Variants in CNTNAP5 observed in about 807,000 individuals in gnomAD.
CNTNAP5 encodes the protein contactin associated protein family member 5, also known as contactin-associated protein-like 5.
CNTNAP5 carries 72 observed loss-of-function variants against 150.2 expected under a neutral mutation model. The ratio of observed to expected loss-of-function variants is 0.48; its 90% CI spans 0.40 to 0.58. The LOEUF (loss-of-function observed/expected upper bound fraction) is 0.58. CNTNAP5 is among the 20% of genes least tolerant of loss of function. The pLI is 0.00. For synonymous variants in CNTNAP5, 672 were observed against 619.8 expected, an observed-to-expected ratio of 1.08 and a Z score of -1.25; for missense variants, 1,636 against 1,626.2, an observed-to-expected ratio of 1.01 and a Z score of -0.10.
chr2:124,853,375 CTCTT>C (rs2104705481), intron 19 of CNTNAP5, among the ~76,000 whole-genome samples: 1 of 152,258 alleles, frequency 6.6e-6, no homozygotes, highest in South Asian at 2.1e-4. Context: ...CCAGTGTGGT[CTCTT>C]TCTTTAACAT....
intron 5 of CNTNAP5, among the ~76,000 whole-genome samples, chr2:124,443,086 C>T (rs902851698): frequency 4.6e-5 from 7 of 152,122 alleles, no homozygotes; most frequent in Admixed American, 3.9e-4. Context: ...ATGAACGCTA[C>T]AAATACGCTT....
chr2:124,420,933 A>C (rs1026262108), intron 4 of CNTNAP5, among the ~76,000 whole-genome samples: 1 of 152,194 alleles, frequency 6.6e-6, no homozygotes, highest in African/African-American at 2.4e-5. Context: ...TTTTCTCAAG[A>C]TCACCAGTGA....
chr2:124,672,070 T>C (rs1192932288), intron 13 of CNTNAP5, among the ~76,000 whole-genome samples: 4 of 152,190 alleles, frequency 2.6e-5, no homozygotes, highest in Admixed American at 1.3e-4. Flanking sequence ...TTGTTTTACC[T>C]CCTCACATTT....
chr2:124,387,905 G>A (rs1690971358), intron 3 of CNTNAP5, among the ~76,000 whole-genome samples: 1 of 152,124 alleles, frequency 6.6e-6, no homozygotes, highest in African/African-American at 2.4e-5. Context: ...AATACACTCT[G>A]AGTCCAAAGC....
intron 6 of CNTNAP5, among the ~76,000 whole-genome samples, chr2:124,458,063 G>C (rs1693161690): frequency 1.3e-5 from 2 of 151,514 alleles, no homozygotes; most frequent in African/African-American, 2.4e-5. Flanking sequence ...CCACTACTAG[G>C]TATCTACCCA....
intron 8 of CNTNAP5, among the ~76,000 whole-genome samples, chr2:124,522,152 C>T (rs1694859965): frequency 6.6e-6 from 1 of 152,172 alleles, no homozygotes; most frequent in East Asian, 1.9e-4. Flanking sequence ...GCAGCCTCTC[C>T]AGCCAACTGG....
At chr2:124,103,739 G>A (rs1573755731) in intron 1 of CNTNAP5, among the ~76,000 whole-genome samples, 1 of 151,390 alleles carries the variant, frequency 6.6e-6, no homozygotes, top group Non-Finnish European at 1.5e-5. Flanking sequence ...ATCACCTAAT[G>A]TCACACTTCT....
chr2:124,546,763 AC>A (rs1310662885), intron 10 of CNTNAP5, among the ~76,000 whole-genome samples: 3 of 152,080 alleles, frequency 2.0e-5, no homozygotes, highest in African/African-American at 7.2e-5. Flanking sequence ...AGTATGGAGG[AC>A]TTGTGCTTTT....
chr2:124,864,952 A>G (rs1458311758), intron 19 of CNTNAP5, among the ~76,000 whole-genome samples: 1 of 152,168 alleles, frequency 6.6e-6, no homozygotes, highest in Admixed American at 6.6e-5. Flanking sequence ...AGAGAGTTAT[A>G]GGAAGTGGTA....
In CNTNAP5 at chr2:124,095,536, T is replaced by G. The variant is rs184350820; in HGVS notation, c.82+69804T>G. On this transcript the variant is annotated intron_variant, in intron 1 of 23. Transcript: ENST00000682447. Reference sequence around the variant, plus strand: ...AAAAAAGCTGCACTGCAATTGCCAATTTCCTTATCTGGCTCTTTCCCTTTC... The same window carrying G: ...AAAAAAGCTGCACTGCAATTGCCAAGTTCCTTATCTGGCTCTTTCCCTTTC... Among the ~76,000 whole-genome samples, 6 of 152,220 alleles carry G rather than the reference T, an allele frequency of 3.9e-5. No homozygotes were observed. In the East Asian group the frequency reaches 1.2e-3, roughly 29 times the overall value.
rs183978831 is a variant in CNTNAP5 at position 124,580,489 on chromosome 2, G to A, written c.1756+17166G>A. On this transcript the variant is annotated intron_variant, in intron 11 of 23. Transcript: ENST00000682447. ...CTGTCCACATATTTTCTTCTACCACGTGGCTGCACTGGTGTCTCTGAGACA... is the reference window on the plus strand; with the variant it reads ...CTGTCCACATATTTTCTTCTACCACATGGCTGCACTGGTGTCTCTGAGACA... Among the ~76,000 whole-genome samples, 11 of 152,278 alleles carry A rather than the reference G, an allele frequency of 7.2e-5. No homozygotes were observed. The East Asian group carries it at 1.9e-3, about 27-fold the overall frequency.
At chr2:124,115,419 A>G (rs1470002544) in intron 1 of CNTNAP5, among the ~76,000 whole-genome samples, 1 of 152,152 alleles carries the variant, frequency 6.6e-6, no homozygotes, top group African/African-American at 2.4e-5. Context: ...TGACATTCTA[A>G]CCAAGTAAGG....
chr2:124,872,819 A>C (rs968262706), intron 21 of CNTNAP5, among the ~76,000 whole-genome samples: 3 of 151,984 alleles, frequency 2.0e-5, no homozygotes, highest in African/African-American at 7.2e-5. Context: ...AAAAATCCTC[A>C]TTAAATCTTA....
At chr2:124,564,964 T>C (rs991067453) in intron 11 of CNTNAP5, among the ~76,000 whole-genome samples, 10 of 152,062 alleles carry the variant, frequency 6.6e-5, no homozygotes, top group Non-Finnish European at 2.9e-5. Context: ...TTCTCTCCGG[T>C]TTTTCTTAAG....
intron 19 of CNTNAP5, among the ~76,000 whole-genome samples, chr2:124,811,797 C>T (rs1394483091): frequency 6.7e-6 from 1 of 149,198 alleles, no homozygotes; most frequent in Non-Finnish European, 1.5e-5. Flanking sequence ...AAAAAGTTAG[C>T]TGGGCGTGGT....
intron 7 of CNTNAP5, among the ~76,000 whole-genome samples, chr2:124,482,158 A>G (rs1244185328): frequency 6.6e-6 from 1 of 152,172 alleles, no homozygotes; most frequent in African/African-American, 2.4e-5. Context: ...TAATAAACGC[A>G]ATGACCACTC....
chr2:124,905,923 G>T (rs59322403), intron 22 of CNTNAP5, among the ~76,000 whole-genome samples: 119 of 152,262 alleles, frequency 7.8e-4, no homozygotes, highest in African/African-American at 2.7e-3. Flanking sequence ...ACTGGGTTGT[G>T]AATGTGAGTT....
rs184411371 is a variant in CNTNAP5 at position 124,371,270 on chromosome 2, G to A, written c.382-46173G>A. On this transcript the variant is annotated intron_variant, in intron 3 of 23. Coordinates refer to ENST00000682447, the MANE Select transcript of CNTNAP5 (RefSeq NM_001367498.1). ...AAAATATCGTGGGGTAATGTGTCCCGAACCTCATTAGGTATGGGAAGAGTA... is the reference window on the plus strand; with the variant it reads ...AAAATATCGTGGGGTAATGTGTCCCAAACCTCATTAGGTATGGGAAGAGTA... Among the ~76,000 whole-genome samples, 362 of 152,216 alleles carry A rather than the reference G, an allele frequency of 2.4e-3. 1 individual carries two copies. Among genetic ancestry groups the A allele is most frequent in the African/African-American group, 8.3e-3 (343 of 41,530 alleles).
Position 124,763,971 on chromosome 2 carries a change from T to A in CNTNAP5, c.2363-6T>A. On this transcript the variant is annotated splice_polypyrimidine_tract_variant and splice_region_variant and intron_variant, in intron 15 of 23. Transcript: ENST00000682447. ...AAACCATGTTGAAGGATTTTCTCAT[T>A]TGCAGGACGCTTCTGGAACGCCGTC... 6.2e-7 allele frequency: 1 copy of A among 1,609,498 alleles called. No homozygotes were observed. The highest frequency in any genetic ancestry group is 8.5e-7 in the Non-Finnish European group (1 of 1,177,622).
Sources: allele counts gnomAD v4.1 joint callset (sites outside exome capture counted in the v4.1 genomes callset), GRCh38; gene constraint gnomAD v4.1.1; transcripts MANE v1.5; gene names NCBI Gene and HGNC (gene_info 2026-07-23, HGNC 2026-07-21).